Variants in NRG3 observed in about 807,000 individuals in gnomAD.
NRG3 encodes the protein pro-neuregulin-3, membrane-bound isoform.
In NRG3, 31 loss-of-function variants were observed where a neutral mutation model predicts 66.9. The ratio of observed to expected loss-of-function variants is 0.46; its 90% CI spans 0.35 to 0.63. The LOEUF (loss-of-function observed/expected upper bound fraction) is 0.63. NRG3 is among the 20% of genes least tolerant of loss of function. NRG3 has a pLI of 0.00. For synonymous variants in NRG3, 393 were observed against 359.4 expected (o/e 1.09, Z -1.06); for missense variants, 910 against 878.9 (o/e 1.04, Z -0.45).
chr10:82,447,770 C>T (rs1255374895), intron 2 of NRG3, among the ~76,000 whole-genome samples: 1 of 152,204 alleles, frequency 6.6e-6, no homozygotes, highest in African/African-American at 2.4e-5. Flanking sequence ...GTCGGAAGAG[C>T]TTGAGGCTCC....
intron 2 of NRG3, among the ~76,000 whole-genome samples, chr10:82,451,482 A>T (rs1246913592): frequency 1.3e-5 from 2 of 152,152 alleles, no homozygotes; most frequent in Admixed American, 6.5e-5. Context: ...TTATCTGATA[A>T]ATGCAAGAAA....
intron 2 of NRG3, among the ~76,000 whole-genome samples, chr10:82,506,836 T>C (rs1383025087): frequency 6.6e-6 from 1 of 152,218 alleles, no homozygotes; most frequent in Non-Finnish European, 1.5e-5. Flanking sequence ...TGGAATGGTT[T>C]ACCTGACTGA....
intron 3 of NRG3, among the ~76,000 whole-genome samples, chr10:82,801,497 G>T (rs1483442885): frequency 2.0e-5 from 3 of 152,116 alleles, no homozygotes; most frequent in Non-Finnish European, 4.4e-5. Context: ...CTCCAACAAT[G>T]AATTACAGCC....
At chr10:82,269,416 A>T (rs942126744) in intron 1 of NRG3, among the ~76,000 whole-genome samples, 2 of 152,048 alleles carry the variant, frequency 1.3e-5, no homozygotes, top group African/African-American at 4.8e-5. Flanking sequence ...CTCTTCTTCT[A>T]AGATTTCAGC....
intron 2 of NRG3, among the ~76,000 whole-genome samples, chr10:82,429,010 T>C (rs1564910469): frequency 6.6e-6 from 1 of 152,036 alleles, no homozygotes; most frequent in Non-Finnish European, 1.5e-5. Context: ...CTCTTTCGCC[T>C]GATAGTATGT....
chr10:82,388,252 T>A (rs2086135977), intron 2 of NRG3, among the ~76,000 whole-genome samples: 1 of 152,170 alleles, frequency 6.6e-6, no homozygotes, highest in Non-Finnish European at 1.5e-5. Context: ...AAGAAAGTTT[T>A]TTTATGAACA....
intron 1 of NRG3, among the ~76,000 whole-genome samples, chr10:82,315,523 CCTG>C (rs1314714809): frequency 6.6e-6 from 1 of 152,058 alleles, no homozygotes; most frequent in Non-Finnish European, 1.5e-5. Flanking sequence ...AGTGGCTGCT[CCTG>C]TGTGAATAGT....
chr10:82,954,930 A>G (rs1364506014), intron 5 of NRG3, among the ~76,000 whole-genome samples: 2 of 151,824 alleles, frequency 1.3e-5, no homozygotes, highest in East Asian at 1.9e-4. Flanking sequence ...AGTAGTTTAT[A>G]TGCATATACA....
At chr10:81,959,688 A>G (rs1161149701) in intron 1 of NRG3, among the ~76,000 whole-genome samples, 1 of 151,538 alleles carries the variant, frequency 6.6e-6, no homozygotes, top group East Asian at 1.9e-4. Flanking sequence ...TTTTTTAGAG[A>G]TACAGAAGGG....
intron 2 of NRG3, among the ~76,000 whole-genome samples, chr10:82,663,036 T>C (rs1048110784): frequency 2.6e-5 from 4 of 152,238 alleles, no homozygotes; most frequent in Admixed American, 1.3e-4. Context: ...GATGATTAGA[T>C]GTACTCATTG....
At chr10:82,454,728 C>G (rs932507569) in intron 2 of NRG3, among the ~76,000 whole-genome samples, 1 of 152,130 alleles carries the variant, frequency 6.6e-6, no homozygotes, top group Admixed American at 6.5e-5. Context: ...GGTGATATCT[C>G]TTTGATTTCA....
chr10:82,662,695 C>G (rs2052459583), intron 2 of NRG3, among the ~76,000 whole-genome samples: 2 of 152,136 alleles, frequency 1.3e-5, no homozygotes, highest in African/African-American at 4.8e-5. Flanking sequence ...CCCCCTCCAC[C>G]TCTGGGAGGG....
At chr10:82,736,834 CAA>C (rs1218681561) in intron 2 of NRG3, among the ~76,000 whole-genome samples, 1 of 152,118 alleles carries the variant, frequency 6.6e-6, no homozygotes, top group Admixed American at 6.6e-5. Context: ...AATAAGGATA[CAA>C]AGAGTAAAGT....
At chr10:82,249,756 A>G (rs559411340) in intron 1 of NRG3, among the ~76,000 whole-genome samples, 2 of 152,324 alleles carry the variant, frequency 1.3e-5, no homozygotes, top group East Asian at 3.9e-4. Context: ...GAGAAGCATT[A>G]TCAGAACACT....
intron 2 of NRG3, among the ~76,000 whole-genome samples, chr10:82,635,083 A>G (rs1259114094): frequency 6.6e-6 from 1 of 152,200 alleles, no homozygotes; most frequent in Non-Finnish European, 1.5e-5. Context: ...ACTTAAAAAT[A>G]CTTGAAGAAA....
chr10:82,739,307 G>A (rs2058304753), intron 3 of NRG3, among the ~76,000 whole-genome samples: 1 of 152,208 alleles, frequency 6.6e-6, no homozygotes, highest in African/African-American at 2.4e-5. Context: ...AGTCAAATGT[G>A]AAATGTTTAT....
At chr10:82,426,628 ATT>A (rs2089463688) in intron 2 of NRG3, among the ~76,000 whole-genome samples, 9 of 141,548 alleles carry the variant, frequency 6.4e-5, no homozygotes, top group African/African-American at 2.3e-4. Context: ...TATTATTATT[ATT>A]ATTATTATTA....
At chr10:81,993,390 A>G (rs961127119) in intron 1 of NRG3, among the ~76,000 whole-genome samples, 1 of 152,124 alleles carries the variant, frequency 6.6e-6, no homozygotes, top group African/African-American at 2.4e-5. Flanking sequence ...TCTCTCACCC[A>G]GGCTGGAGTG....
intron 2 of NRG3, among the ~76,000 whole-genome samples, chr10:82,488,110 T>C (rs987829740): frequency 3.9e-5 from 6 of 152,190 alleles, no homozygotes; most frequent in African/African-American, 9.7e-5. Flanking sequence ...ATGAGCCTGT[T>C]CTTGGTTGTT....
Sources: allele counts gnomAD v4.1 joint callset (sites outside exome capture counted in the v4.1 genomes callset), GRCh38; gene constraint gnomAD v4.1.1; transcripts MANE v1.5; gene names NCBI Gene and HGNC (gene_info 2026-07-23, HGNC 2026-07-21).